The following GADL1 variants were observed in gnomAD, a reference collection of about 807,000 sequenced individuals.
GADL1 encodes the protein GAD like acidic amino acid decarboxylase 1, also known as acidic amino acid decarboxylase GADL1.
In GADL1, 71 loss-of-function variants were observed where a neutral mutation model predicts 69.5. The ratio of observed to expected loss-of-function variants is 1.02; its 90% confidence interval spans 0.84 to 1.25. GADL1 has a LOEUF of 1.25. Ranked by LOEUF, GADL1 falls within the 50% of genes most tolerant of loss-of-function variation. GADL1 has a pLI of 0.00. For missense variants in GADL1, 737 were observed against 631.8 expected (o/e 1.17, Z -1.79); for synonymous variants, 254 against 214.4 (o/e 1.18, Z -1.62).
intron 14 of GADL1, among the ~76,000 whole-genome samples, chr3:30,764,987 AAG>A (rs1292895232): frequency 6.6e-6 from 1 of 152,184 alleles, no homozygotes; most frequent in African/African-American, 2.4e-5. Flanking sequence ...ATTGCAGGAA[AAG>A]TCTGACAATG....
At chr3:30,847,029 T>C (rs903423) in intron 6 of GADL1, among the ~76,000 whole-genome samples, 79,538 of 152,084 alleles carry the variant, frequency 0.52, 23,990 homozygotes, top group African/African-American at 0.82. Flanking sequence ...AAATCATAAT[T>C]ACTGCTTTAT....
At position 30,806,910 on chromosome 3, in the gene GADL1, C is replaced by T. The variant is rs1419572809; in HGVS notation, c.1051-5822G>A. On this transcript the variant is annotated intron_variant, in intron 11 of 14. Transcript: ENST00000282538. ...GTGATGGAATCTTCCAAGGCTCCTA[C>T]AGATATTACAACTTAAAACTTCATT... Among the ~76,000 whole-genome samples, 3 of 152,318 alleles carry T rather than the reference C, an allele frequency of 2.0e-5. No individual in the cohort carries two copies. In the East Asian group the frequency reaches 5.8e-4, roughly 29 times the overall value.
At chr3:30,862,644 A>G (rs1698338447) in intron 1 of GADL1, among the ~76,000 whole-genome samples, 1 of 152,044 alleles carries the variant, frequency 6.6e-6, no homozygotes, top group Admixed American at 6.6e-5. Context: ...GAATTTTATG[A>G]AGATCCATCT....
At chr3:30,785,522 C>A (rs944431377) in intron 13 of GADL1, among the ~76,000 whole-genome samples, 1 of 151,924 alleles carries the variant, frequency 6.6e-6, no homozygotes, top group Non-Finnish European at 1.5e-5. Context: ...GCTGGGATTA[C>A]AAGCATGAGC....
At chr3:30,850,175 T>C in intron 5 of GADL1, 64 bp from the exon 6 acceptor site, 1 of 877,340 alleles carries the variant, frequency 1.1e-6, no homozygotes. Context: ...AAATGCTGAA[T>C]ACAGTGGAAA....
chr3:30,834,347 C>A, intron 9 of GADL1, 66 bp from the exon 10 acceptor site: 2 of 1,335,962 alleles, frequency 1.5e-6, no homozygotes, highest in South Asian at 2.4e-5. Context: ...AGTGGGTTGT[C>A]ATAGAAAACC....
Position 30,778,174 on chromosome 3 carries a change from C to G in GADL1, c.1392+5G>C. 6.6e-7 allele frequency: 1 copy of G among 1,523,078 alleles called. No homozygotes were observed. The highest frequency in any genetic ancestry group is 2.3e-5 in the East Asian group (1 of 44,048). The allele number at this position is 1,523,078 out of a possible 1,614,324, so 94.3% of individuals were successfully genotyped here. Reference sequence around the variant, plus strand: ...AAAGAAAAATACCATTTACTTATTACTTACCAAATTAAGTTTTGCCCAGAA... The same window carrying G: ...AAAGAAAAATACCATTTACTTATTAGTTACCAAATTAAGTTTTGCCCAGAA... On this transcript the variant is annotated splice_donor_5th_base_variant and intron_variant, in intron 14 of 14. Coordinates refer to ENST00000282538, the MANE Select transcript of GADL1 (RefSeq NM_207359.3).
chr3:30,883,288 C>T (rs1474928922), intron 1 of GADL1, among the ~76,000 whole-genome samples: 1 of 151,878 alleles, frequency 6.6e-6, no homozygotes, highest in African/African-American at 2.4e-5. Context: ...TTGGGTCTTG[C>T]ACTACTTCTT....
intron 12 of GADL1, among the ~76,000 whole-genome samples, chr3:30,796,690 A>G (rs1333986257): frequency 2.0e-5 from 3 of 152,182 alleles, no homozygotes; most frequent in Non-Finnish European, 4.4e-5. Context: ...TGAAAGATGC[A>G]GAGAGACTGA....
chr3:30,768,408 G>A, intron 14 of GADL1, among the ~76,000 whole-genome samples: 1 of 151,028 alleles, frequency 6.6e-6, no homozygotes, highest in East Asian at 1.9e-4. Context: ...AAGGGATGAG[G>A]AAAGAGACAG....
At chr3:30,834,041 T>C in intron 10 of GADL1, 107 bp from the exon 11 acceptor site, 3 of 931,712 alleles carry the variant, frequency 3.2e-6, no homozygotes, top group Non-Finnish European at 5.2e-6. Context: ...ATACATAGTT[T>C]ACTGTTCTAT....
intron 1 of GADL1, among the ~76,000 whole-genome samples, chr3:30,883,133 C>A (rs1382384772): frequency 6.6e-6 from 1 of 151,882 alleles, no homozygotes; most frequent in Non-Finnish European, 1.5e-5. Flanking sequence ...TCTTTTGGTG[C>A]ACAAAAGGTT....
At chr3:30,870,410 A>G (rs1284694461) in intron 1 of GADL1, among the ~76,000 whole-genome samples, 1 of 151,836 alleles carries the variant, frequency 6.6e-6, no homozygotes, top group Non-Finnish European at 1.5e-5. Flanking sequence ...AGAAATGGAA[A>G]GAGATAAGTG....
chr3:30,746,876 T>C (rs1237945893), intron 14 of GADL1, among the ~76,000 whole-genome samples: 1 of 152,204 alleles, frequency 6.6e-6, no homozygotes, highest in Non-Finnish European at 1.5e-5. Context: ...GTGTTCCTGA[T>C]GGCCAGCAAT....
At chr3:30,857,280 AACT>A in intron 2 of GADL1, 139 bp from the exon 3 acceptor site, 1 of 691,200 alleles carries the variant, frequency 1.4e-6, no homozygotes, top group South Asian at 1.9e-5. Context: ...AGACGAAAAG[AACT>A]ATTACAGTAA....
At chr3:30,743,951 G>A (rs1000606444) in intron 14 of GADL1, among the ~76,000 whole-genome samples, 1 of 152,146 alleles carries the variant, frequency 6.6e-6, no homozygotes, top group Admixed American at 6.5e-5. Context: ...TCCTCCATCA[G>A]TCTGGATGCT....
Position 30,850,123 on chromosome 3 carries a change from A to C in GADL1, c.536-12T>G, listed in dbSNP as rs6763895. ...GGACACTGAGCCACCTGCAAAAACA[A>C]AATTAAAATGGCATATTTATAGCAT... is the stretch of plus-strand genomic sequence containing the variant. On this transcript the variant is annotated splice_polypyrimidine_tract_variant and intron_variant, in intron 5 of 14. Transcript: ENST00000282538. 8.5e-3 allele frequency: 11,989 copies of C among 1,403,724 alleles called. 753 individuals carry two copies. In the African/African-American group the frequency reaches 0.14, roughly 17 times the overall value. The allele number at this position is 1,403,724 out of a possible 1,614,324, so 87.0% of individuals were successfully genotyped here.
At chr3:30,826,622 A>G (rs1302310947) in intron 11 of GADL1, among the ~76,000 whole-genome samples, 2 of 151,900 alleles carry the variant, frequency 1.3e-5, no homozygotes, top group Admixed American at 1.3e-4. Flanking sequence ...GTTGGCCAAG[A>G]TGCTGGATCC....
chr3:30,759,790 T>C (rs570662271), intron 14 of GADL1, among the ~76,000 whole-genome samples: 2 of 152,356 alleles, frequency 1.3e-5, no homozygotes, highest in Admixed American at 1.3e-4. Flanking sequence ...TGGCTAACTG[T>C]AGCATAGTCT....
Sources: gnomAD v4.1 joint callset for allele counts (sites outside exome capture counted in the v4.1 genomes callset) on GRCh38, gnomAD v4.1.1 for gene constraint, MANE v1.5 for transcripts, NCBI Gene and HGNC (gene_info 2026-07-23, HGNC 2026-07-21) for gene names.